PDE5A: variants seen among roughly 807,000 people sequenced by gnomAD.
PDE5A encodes the protein cGMP-specific 3',5'-cyclic phosphodiesterase.
PDE5A carries 67 observed loss-of-function variants against 110.2 expected under a neutral mutation model. The ratio of observed to expected loss-of-function variants is 0.61; its 90% CI spans 0.50 to 0.75. The LOEUF (loss-of-function observed/expected upper bound fraction) is 0.75. Among genes scored for constraint, PDE5A ranks in the 30% least tolerant of loss-of-function variants. The probability of loss-of-function intolerance (pLI) is 0.00; values close to 1 mark genes in which losing one functional copy is unlikely to be tolerated. For synonymous variants in PDE5A, 328 were observed against 351.2 expected (o/e 0.93, Z 0.74); for missense variants, 862 against 1,045.1 (o/e 0.82, Z 2.42).
intron 20 of PDE5A, among the ~76,000 whole-genome samples, chr4:119,500,654 G>A (rs9307477): frequency 0.53 from 80,180 of 151,780 alleles, 21,690 homozygotes; most frequent in African/African-American, 0.64. Flanking sequence ...AAACTAATAA[G>A]TTAGATGTTT....
chr4:119,595,200 G>T (rs1729112800), intron 3 of PDE5A, among the ~76,000 whole-genome samples: 1 of 152,096 alleles, frequency 6.6e-6, no homozygotes, highest in Non-Finnish European at 1.5e-5. Flanking sequence ...CTAGATGGAG[G>T]AAGGAGAATA....
At chr4:119,557,187 C>T (rs941903710) in intron 7 of PDE5A, among the ~76,000 whole-genome samples, 3 of 152,154 alleles carry the variant, frequency 2.0e-5, no homozygotes, top group Non-Finnish European at 4.4e-5. Context: ...CAGTAAATTT[C>T]AGCTAGAGGA....
intron 2 of PDE5A, among the ~76,000 whole-genome samples, chr4:119,603,849 G>A (rs984747281): frequency 1.3e-5 from 2 of 152,136 alleles, no homozygotes; most frequent in Non-Finnish European, 2.9e-5. Flanking sequence ...GCCATACAGT[G>A]TCATTTTTAC....
intron 3 of PDE5A, among the ~76,000 whole-genome samples, chr4:119,577,986 A>G (rs1335232730): frequency 6.6e-6 from 1 of 152,258 alleles, no homozygotes; most frequent in Non-Finnish European, 1.5e-5. Context: ...AACTTCAGCA[A>G]AGTCTCAGGA....
chr4:119,591,797 G>A (rs892964380), intron 3 of PDE5A, among the ~76,000 whole-genome samples: 3 of 152,100 alleles, frequency 2.0e-5, no homozygotes, highest in Non-Finnish European at 4.4e-5. Flanking sequence ...TGTGAACCTG[G>A]GAGGAAAGGG....
intron 1 of PDE5A, among the ~76,000 whole-genome samples, chr4:119,626,095 A>C (rs573615572): frequency 6.6e-6 from 1 of 152,306 alleles, no homozygotes; most frequent in South Asian, 2.1e-4. Flanking sequence ...TATATATATC[A>C]CAGAAAGTGT....
At chr4:119,603,018 T>A (rs1314074783) in intron 2 of PDE5A, among the ~76,000 whole-genome samples, 1 of 152,168 alleles carries the variant, frequency 6.6e-6, no homozygotes, top group Non-Finnish European at 1.5e-5. Context: ...GACATATGAA[T>A]CATGGGAAGG....
chr4:119,605,738 G>A (rs1729505436), intron 2 of PDE5A, among the ~76,000 whole-genome samples: 2 of 150,978 alleles, frequency 1.3e-5, no homozygotes, highest in Non-Finnish European at 2.9e-5. Context: ...ATCTGTTAAT[G>A]ACCTGCTCTC....
chr4:119,564,180 A>AT (rs1379672595), intron 5 of PDE5A, among the ~76,000 whole-genome samples: 1 of 152,014 alleles, frequency 6.6e-6, no homozygotes, highest in African/African-American at 2.4e-5. Flanking sequence ...ATTGTAGATA[A>AT]TAAATATAGC....
chr4:119,512,197 G>A (rs576043888), intron 14 of PDE5A, among the ~76,000 whole-genome samples: 2 of 151,964 alleles, frequency 1.3e-5, no homozygotes, highest in Non-Finnish European at 2.9e-5. Context: ...GAAATCTGAG[G>A]GAAAAAGAAA....
chr4:119,574,497 T>C (rs1728259860), intron 3 of PDE5A, among the ~76,000 whole-genome samples: 1 of 152,130 alleles, frequency 6.6e-6, no homozygotes, highest in East Asian at 1.9e-4. Context: ...TAGGCTCTTA[T>C]GGACTCCTCT....
intron 3 of PDE5A, among the ~76,000 whole-genome samples, chr4:119,571,304 CG>C (rs1728133020): frequency 6.6e-6 from 1 of 152,016 alleles, no homozygotes; most frequent in Non-Finnish European, 1.5e-5. Flanking sequence ...AAATGACAAA[CG>C]GGGTTTTTGA....
Position 119,498,836 on chromosome 4 carries a change from A to G in PDE5A, c.2491-98T>C, listed in dbSNP as rs899991279. 4.8e-6 allele frequency: 6 copies of G among 1,254,760 alleles called. No homozygotes were observed. In the Admixed American group the frequency reaches 6.0e-5, roughly 13 times the overall value. The allele number at this position is 1,254,760 out of a possible 1,614,324, so 77.7% of individuals were successfully genotyped here. ...AAGGGCCACATCCCACACTCATTTC[A>G]TAAGCAGACTCACTGTTGAAATTTT... On this transcript the variant is annotated intron_variant, in intron 20 of 20. Transcript: ENST00000354960.
intron 3 of PDE5A, chr4:119,569,917 C>T (rs1728083344): frequency 6.6e-6 from 1 of 152,230 alleles, no homozygotes; most frequent in African/African-American, 2.4e-5. Flanking sequence ...ATATAAGGGA[C>T]TTGGGCATCC....
chr4:119,531,952 A>G (rs932945115), intron 11 of PDE5A, among the ~76,000 whole-genome samples: 5 of 152,158 alleles, frequency 3.3e-5, no homozygotes, highest in Non-Finnish European at 7.4e-5. Context: ...AAAGCTGACA[A>G]TGAAAATGTT....
At chr4:119,576,638 A>G (rs2110517175) in intron 3 of PDE5A, among the ~76,000 whole-genome samples, 1 of 152,340 alleles carries the variant, frequency 6.6e-6, no homozygotes, top group South Asian at 2.1e-4. Context: ...TTTGAAACCA[A>G]CGAGAACAAA....
At chr4:119,500,438 G>A (rs534743772) in intron 20 of PDE5A, among the ~76,000 whole-genome samples, 166 of 151,980 alleles carry the variant, frequency 1.1e-3, no homozygotes, top group African/African-American at 3.6e-3. Context: ...AGTCTGTCTC[G>A]TTGGGAGATG....
chr4:119,562,455 G>C (rs1165489458), intron 6 of PDE5A, among the ~76,000 whole-genome samples: 1 of 151,986 alleles, frequency 6.6e-6, no homozygotes, highest in Non-Finnish European at 1.5e-5. Flanking sequence ...AGTCTGGTCT[G>C]CCTGTTCATA....
chr4:119,558,845 A>C (rs1727633789), intron 7 of PDE5A, among the ~76,000 whole-genome samples: 2 of 135,534 alleles, frequency 1.5e-5, no homozygotes, highest in African/African-American at 5.5e-5. Context: ...TGAACCCGGG[A>C]GGCGGAGCTT....
Sources: gnomAD v4.1 joint callset for allele counts (sites outside exome capture counted in the v4.1 genomes callset) on GRCh38, gnomAD v4.1.1 for gene constraint, MANE v1.5 for transcripts, NCBI Gene and HGNC (gene_info 2026-07-23, HGNC 2026-07-21) for gene names.